The following SP100 variants were observed in gnomAD, a reference collection of about 807,000 sequenced individuals.
The protein encoded by SP100 is nuclear autoantigen Sp-100.
In SP100, 84 loss-of-function variants were observed where a neutral mutation model predicts 130.0. That is an observed-to-expected ratio of 0.65 (90% confidence interval 0.54 to 0.77). The LOEUF (loss-of-function observed/expected upper bound fraction) is 0.77. Among genes scored for constraint, SP100 ranks in the 30% least tolerant of loss-of-function variants. The pLI, the probability that SP100 is intolerant of heterozygous loss-of-function variation, is 0.00. For missense variants in SP100, 978 were observed against 1,052.2 expected, an observed-to-expected ratio of 0.93 and a Z score of 0.97; for synonymous variants, 331 against 351.7, an observed-to-expected ratio of 0.94 and a Z score of 0.66.
At chr2:230,469,510 A>G (rs2065157593) in intron 14 of SP100, 1 of 459,330 alleles carries the variant, frequency 2.2e-6, no homozygotes, top group African/African-American at 2.0e-5. Context: ...TTGTCCTAGG[A>G]TTGTATTCAG....
intron 19 of SP100, among the ~76,000 whole-genome samples, chr2:230,499,439 C>T (rs2066880996): frequency 2.7e-5 from 1 of 37,608 alleles, no homozygotes; most frequent in Non-Finnish European, 6.4e-5. Context: ...ACCTAAAACT[C>T]TTTCTCTGGC....
intron 17 of SP100, among the ~76,000 whole-genome samples, chr2:230,477,256 C>T (rs1428454630): frequency 6.6e-6 from 1 of 151,884 alleles, no homozygotes; most frequent in Non-Finnish European, 1.5e-5. Context: ...TGGTCATATA[C>T]GTTGCTAGTA....
At chr2:230,504,322 C>T in intron 21 of SP100, 32 bp downstream of exon 21, 1 of 1,267,016 alleles carries the variant, frequency 7.9e-7, no homozygotes. Flanking sequence ...CGATTTTCAG[C>T]TGGAAAATAT....
intron 14 of SP100, 131 bp downstream of exon 14, chr2:230,469,227 AT>A (rs1250359083): frequency 2.4e-5 from 15 of 637,620 alleles, no homozygotes; most frequent in Non-Finnish European, 4.1e-5. Context: ...TGCATTTTAC[AT>A]TTTCAATTAG....
At chr2:230,527,299 C>G (rs1477675702) in intron 24 of SP100, among the ~76,000 whole-genome samples, 1 of 152,136 alleles carries the variant, frequency 6.6e-6, no homozygotes, top group African/African-American at 2.4e-5. Flanking sequence ...GAATTTTCTA[C>G]CCAGAACCTC....
chr2:230,530,766 G>C (rs1001569964), intron 24 of SP100, among the ~76,000 whole-genome samples: 1 of 152,174 alleles, frequency 6.6e-6, no homozygotes, highest in African/African-American at 2.4e-5. Flanking sequence ...CAAAGGATAT[G>C]AACAGACACT....
intron 24 of SP100, among the ~76,000 whole-genome samples, chr2:230,526,334 A>G (rs1691425566): frequency 6.6e-6 from 1 of 152,250 alleles, no homozygotes; most frequent in African/African-American, 2.4e-5. Context: ...GACTGTTAGA[A>G]GGAAAACTAA....
At chr2:230,505,440 G>A (rs767036920) in intron 21 of SP100, among the ~76,000 whole-genome samples, 1 of 152,180 alleles carries the variant, frequency 6.6e-6, no homozygotes, top group Non-Finnish European at 1.5e-5. Flanking sequence ...CAGAAGACCT[G>A]CATTCAAGTT....
At chr2:230,469,569 G>A in intron 14 of SP100, 3 of 448,480 alleles carry the variant, frequency 6.7e-6, no homozygotes, top group East Asian at 7.0e-5. Flanking sequence ...ATGCATGAAT[G>A]AGATAGGAGA....
At position 230,543,010 on chromosome 2, in the gene SP100, C is replaced by A. The variant is rs1692236820; in HGVS notation, c.*64C>A. 1 of 882,546 alleles carries A rather than the reference C, an allele frequency of 1.1e-6. No individual in the cohort carries two copies. Among genetic ancestry groups the A allele is most frequent in the Non-Finnish European group, 1.9e-6 (1 of 537,802 alleles). The allele number at this position is 882,546 out of a possible 1,614,324, so 54.7% of individuals were successfully genotyped here. Reference sequence around the variant, plus strand: ...GCTACGCAATGTGCCTGTGGTCCCACTAATCTGTGACTGCTCCTGTGGAAA... The same window carrying A: ...GCTACGCAATGTGCCTGTGGTCCCAATAATCTGTGACTGCTCCTGTGGAAA... On this transcript the variant is annotated 3_prime_UTR_variant, in exon 29 of 29. Transcript: ENST00000340126.
intron 27 of SP100, 86 bp from the exon 28 acceptor site, chr2:230,541,806 G>A: frequency 2.8e-6 from 4 of 1,427,660 alleles, no homozygotes; most frequent in African/African-American, 2.8e-5. Context: ...CCTATGGATT[G>A]GGGGAACTCC....
intron 24 of SP100, among the ~76,000 whole-genome samples, chr2:230,514,492 A>G (rs926547099): frequency 2.0e-5 from 3 of 152,192 alleles, no homozygotes; most frequent in African/African-American, 7.2e-5. Flanking sequence ...TTGAAACTCA[A>G]AAATAATGGT....
At chr2:230,423,403 A>T (rs1050528189) in intron 2 of SP100, among the ~76,000 whole-genome samples, 1 of 151,834 alleles carries the variant, frequency 6.6e-6, no homozygotes, top group Non-Finnish European at 1.5e-5. Flanking sequence ...TTTCTTGATC[A>T]ATCTTTCCAT....
chr2:230,495,506 G>A (rs1459860936), intron 18 of SP100, among the ~76,000 whole-genome samples: 1 of 152,102 alleles, frequency 6.6e-6, no homozygotes, highest in African/African-American at 2.4e-5. Context: ...TTTTAGTAAA[G>A]ACAGGGTTTC....
At chr2:230,466,184 C>CAAA (rs57983447) in intron 11 of SP100, 117 bp from the exon 12 acceptor site, 6,665 of 255,696 alleles carry the variant, frequency 0.026, 79 homozygotes, top group South Asian at 0.046. Context: ...GACTCCATCT[C>CAAA]AAAAAAAAAA....
At chr2:230,481,505 C>T (rs2065831562) in intron 17 of SP100, among the ~76,000 whole-genome samples, 1 of 152,158 alleles carries the variant, frequency 6.6e-6, no homozygotes, top group African/African-American at 2.4e-5. Context: ...CATTCTTTAT[C>T]TCCCCTGCCA....
intron 18 of SP100, among the ~76,000 whole-genome samples, chr2:230,498,218 T>C (rs1372563300): frequency 1.3e-5 from 2 of 152,198 alleles, no homozygotes; most frequent in African/African-American, 4.8e-5. Flanking sequence ...GTAAATTCTT[T>C]TTAAAATTAA....
rs190190738 is a variant in SP100, at chr2:230,542,989, C to T, written c.*43C>T. ...CTTCAGATCCTCTGGCAGCTAGCTA[C>T]GCAATGTGCCTGTGGTCCCACTAAT... is the stretch of plus-strand genomic sequence containing the variant. On this transcript the variant is annotated 3_prime_UTR_variant, in exon 29 of 29. Coordinates refer to ENST00000340126, the MANE Select transcript of SP100 (RefSeq NM_001080391.2). 2.6e-4 allele frequency: 288 copies of T among 1,099,144 alleles called. 1 individual carries two copies. The highest frequency in any genetic ancestry group is 2.0e-3 in the African/African-American group (128 of 65,260). 68.1% of individuals were successfully genotyped at this position (1,099,144 alleles called of 1,614,324 possible). A position where few individuals can be genotyped will look rare whatever the true frequency, so the allele number is the denominator to read the frequency against.
In SP100 at chr2:230,503,103, A is replaced by T; in HGVS notation, c.1758A>T (p.Arg586Ser). 1 of 1,596,408 alleles carries T rather than the reference A, an allele frequency of 6.3e-7. No individual in the cohort carries two copies. Among genetic ancestry groups the T allele is most frequent in the Non-Finnish European group, 8.6e-7 (1 of 1,166,604 alleles). Residue 586 changes from arginine to serine, a missense_variant, in exon 20 of 29, where the codon AGA becomes AGT. Transcript: ENST00000340126. ...ACACTAGACCTTTGAAAAGAAGAAG[A>T]AAAAGAGGTAAATAGAAGTGATCGA... ...KANTRPLKRR[R>S]KRGPRIPKDE...
Sources: allele counts gnomAD v4.1 joint callset (sites outside exome capture counted in the v4.1 genomes callset), GRCh38; gene constraint gnomAD v4.1.1; transcripts MANE v1.5; gene names NCBI Gene and HGNC (gene_info 2026-07-23, HGNC 2026-07-21).